The following RC3H1 variants were observed in gnomAD, a reference collection of about 807,000 sequenced individuals.
The protein encoded by RC3H1 is ring finger and CCCH-type domains 1, also known as roquin-1.
In RC3H1, 50 loss-of-function variants were observed where a neutral mutation model predicts 138.2. That is an observed-to-expected ratio of 0.36 (90% CI 0.29 to 0.46). The LOEUF (loss-of-function observed/expected upper bound fraction) is 0.46. Among genes scored for constraint, RC3H1 ranks in the 20% least tolerant of loss-of-function variants. The pLI is 1.00. For synonymous variants in RC3H1, 462 were observed against 489.1 expected, an observed-to-expected ratio of 0.94 and a Z score of 0.73; for missense variants, 1,031 against 1,388.1, an observed-to-expected ratio of 0.74 and a Z score of 4.09.
intron 1 of RC3H1, among the ~76,000 whole-genome samples, chr1:174,014,191 G>A (rs76977106): frequency 2.0e-5 from 3 of 152,266 alleles, no homozygotes; most frequent in South Asian, 2.1e-4. Context: ...AACACAAAGG[G>A]TGAATCCTAA....
chr1:173,992,525 C>A (rs896063689), intron 2 of RC3H1, among the ~76,000 whole-genome samples: 9 of 152,106 alleles, frequency 5.9e-5, no homozygotes, highest in African/African-American at 1.7e-4. Context: ...TGTACTATGA[C>A]TAAAAAGCAC....
intron 2 of RC3H1, among the ~76,000 whole-genome samples, chr1:173,986,376 G>A (rs191373955): frequency 9.3e-4 from 142 of 152,228 alleles, no homozygotes; most frequent in African/African-American, 3.2e-3. Flanking sequence ...TTCAGAGAAA[G>A]AGTCTCGCTC....
chr1:174,021,843 G>C lies in RC3H1; in HGVS notation c.-151+253C>G, dbSNP rs893124031. Among the ~76,000 whole-genome samples the C allele has an allele frequency of 6.6e-5, 10 of 152,274 alleles. No homozygotes were observed. The East Asian group carries it at 1.9e-3, about 29-fold the overall frequency. On this transcript the variant is annotated intron_variant, in intron 1 of 19. Coordinates refer to ENST00000367696, the MANE Select transcript of RC3H1 (RefSeq NM_172071.4). ...CCGAGCCTCCCTTCGTCCTCCTCTC[G>C]GCCTACCTACCCCGACAGGCCCTAC...
Position 173,933,936 on chromosome 1 carries a change from A to G in RC3H1, c.*4785T>C, listed in dbSNP as rs1658481787. 6.6e-6 allele frequency: 1 copy of G among 152,020 alleles called. No individual in the cohort carries two copies. Among genetic ancestry groups the G allele is most frequent in the Admixed American group, 6.6e-5 (1 of 15,260 alleles). 9.4% of individuals were successfully genotyped at this position (152,020 alleles called of 1,614,324 possible). A position where few individuals can be genotyped will look rare whatever the true frequency, so the allele number is the denominator to read the frequency against. On this transcript the variant is annotated 3_prime_UTR_variant, in exon 20 of 20. Transcript: ENST00000367696. Reference sequence around the variant, plus strand: ...CATCAGTTAAAAATTTAACACACTTAGACTCTTATTAGGGGGAAAAAATCT... The same window carrying G: ...CATCAGTTAAAAATTTAACACACTTGGACTCTTATTAGGGGGAAAAAATCT...
Position 173,962,105 on chromosome 1 carries a change from A to G in RC3H1, c.1832-10T>C, listed in dbSNP as rs1571194440. On this transcript the variant is annotated splice_polypyrimidine_tract_variant and intron_variant, in intron 11 of 19. Coordinates refer to ENST00000367696, the MANE Select transcript of RC3H1 (RefSeq NM_172071.4). ...GGAGTATAATACATACCTGCACAAT[A>G]CAAAAGAGGACCCAAAAGCAAATAA... The G allele has an allele frequency of 1.3e-6, 2 of 1,575,910 alleles. No individual in the cohort carries two copies.
chr1:174,013,779 T>C (rs1056051177), intron 1 of RC3H1, among the ~76,000 whole-genome samples: 6 of 151,518 alleles, frequency 4.0e-5, no homozygotes, highest in African/African-American at 1.2e-4. Flanking sequence ...TGTGAAGCCA[T>C]GAAAAGACAT....
intron 1 of RC3H1, among the ~76,000 whole-genome samples, chr1:173,996,425 G>A (rs963104745): frequency 6.6e-6 from 1 of 152,144 alleles, no homozygotes; most frequent in Non-Finnish European, 1.5e-5. Flanking sequence ...CAAGCTGTAA[G>A]CAGACAGCAA....
intron 9 of RC3H1, among the ~76,000 whole-genome samples, chr1:173,968,230 A>T (rs1660205517): frequency 1.3e-5 from 2 of 152,172 alleles, no homozygotes; most frequent in South Asian, 4.1e-4. Flanking sequence ...AAACTTCCAG[A>T]ATTTTCAGAA....
intron 9 of RC3H1, among the ~76,000 whole-genome samples, chr1:173,969,962 G>C (rs1409202522): frequency 6.6e-6 from 1 of 151,670 alleles, no homozygotes; most frequent in Admixed American, 6.6e-5. Context: ...TTTAGATTTA[G>C]CTAATCATAA....
At chr1:173,998,414 T>G (rs1216004913) in intron 1 of RC3H1, among the ~76,000 whole-genome samples, 9 of 152,150 alleles carry the variant, frequency 5.9e-5, no homozygotes. Context: ...AATGACGAGA[T>G]TTTACTGTTG....
chr1:173,959,779 A>G (rs1220711212), intron 13 of RC3H1, among the ~76,000 whole-genome samples: 1 of 151,406 alleles, frequency 6.6e-6, no homozygotes, highest in Non-Finnish European at 1.5e-5. Context: ...CAGAAAAAAG[A>G]AAGCTGTCAC....
intron 1 of RC3H1, among the ~76,000 whole-genome samples, chr1:174,013,923 C>T (rs546683894): frequency 9.2e-5 from 14 of 151,990 alleles, no homozygotes; most frequent in Non-Finnish European, 1.5e-4. Flanking sequence ...AAGATACTGA[C>T]GAAGAGACCT....
intron 14 of RC3H1, among the ~76,000 whole-genome samples, chr1:173,948,829 T>C (rs1488613682): frequency 6.6e-6 from 1 of 151,970 alleles, no homozygotes; most frequent in Non-Finnish European, 1.5e-5. Flanking sequence ...CAAACAATCC[T>C]CCCACCTTGG....
At chr1:173,948,123 A>G (rs1659218151) in intron 14 of RC3H1, among the ~76,000 whole-genome samples, 1 of 152,148 alleles carries the variant, frequency 6.6e-6, no homozygotes, top group Non-Finnish European at 1.5e-5. Context: ...CACCAGATCA[A>G]AGCAGAATGT....
intron 5 of RC3H1, among the ~76,000 whole-genome samples, chr1:173,981,417 G>A (rs1571219107): frequency 6.6e-6 from 1 of 152,070 alleles, no homozygotes; most frequent in Non-Finnish European, 1.5e-5. Context: ...AAAAAGTTTT[G>A]GATTTTGGAT....
At chr1:173,955,531 G>C (rs1290109693) in intron 13 of RC3H1, among the ~76,000 whole-genome samples, 5 of 151,498 alleles carry the variant, frequency 3.3e-5, no homozygotes, top group Non-Finnish European at 7.4e-5. Flanking sequence ...CTGTTAGCCA[G>C]GATGGTCTTG....
chr1:173,955,286 C>T (rs1411309384), intron 13 of RC3H1, among the ~76,000 whole-genome samples: 4 of 143,462 alleles, frequency 2.8e-5, no homozygotes, highest in African/African-American at 1.0e-4. Context: ...ACAACAACAA[C>T]AACAACATCA....
intron 14 of RC3H1, 25 bp downstream of exon 14, chr1:173,951,961 A>G: frequency 6.3e-7 from 1 of 1,575,566 alleles, no homozygotes; most frequent in South Asian, 1.2e-5. Context: ...ATTTGTATTA[A>G]TTATTGCTTA....
Position 173,947,587 on chromosome 1 carries a change from T to C in RC3H1, c.2524-5A>G. On this transcript the variant is annotated splice_region_variant and splice_polypyrimidine_tract_variant and intron_variant, in intron 14 of 19. Coordinates refer to ENST00000367696, the MANE Select transcript of RC3H1 (RefSeq NM_172071.4). ...CATTCCTTTACTCTCCACATTCTGA[T>C]AAAAAAGCAAAATGAGAAATTACCC... The C allele has an allele frequency of 6.2e-7, 1 of 1,612,414 alleles. No homozygotes were observed. The highest frequency in any genetic ancestry group is 8.5e-7 in the Non-Finnish European group (1 of 1,178,812).
Sources: gnomAD v4.1 joint callset for allele counts (sites outside exome capture counted in the v4.1 genomes callset) on GRCh38, gnomAD v4.1.1 for gene constraint, MANE v1.5 for transcripts, NCBI Gene and HGNC (gene_info 2026-07-23, HGNC 2026-07-21) for gene names.